Variants in PTPRD observed in about 807,000 individuals in gnomAD.
PTPRD encodes protein tyrosine phosphatase receptor type D, also known as receptor-type tyrosine-protein phosphatase delta.
Under a neutral mutation model 214.5 loss-of-function variants are expected in PTPRD, and 34 were observed. The ratio of observed to expected loss-of-function variants is 0.16; its 90% CI spans 0.12 to 0.21. The LOEUF is 0.21. Ranked by LOEUF, PTPRD falls within the 10% of genes least tolerant of loss-of-function variation. The probability of loss-of-function intolerance (pLI) is 1.00; values close to 1 mark genes in which losing one functional copy is unlikely to be tolerated. For synonymous variants in PTPRD, 1,128 were observed against 845.7 expected, an observed-to-expected ratio of 1.33 and a Z score of -5.79; for missense variants, 2,545 against 2,398.7, an observed-to-expected ratio of 1.06 and a Z score of -1.27.
chr9:8,363,214 C>T (rs1025571411), intron 39 of PTPRD, among the ~76,000 whole-genome samples: 1 of 152,186 alleles, frequency 6.6e-6, no homozygotes, highest in Non-Finnish European at 1.5e-5. Flanking sequence ...TTATCTTCTG[C>T]ATTCATTTAC....
intron 9 of PTPRD, among the ~76,000 whole-genome samples, chr9:9,211,080 AGTGTGT>A (rs142322627): frequency 1.0e-4 from 15 of 150,684 alleles, no homozygotes; most frequent in African/African-American, 3.7e-4. Context: ...CATGTGTGTG[AGTGTGT>A]GTGTGTGTGT....
At chr9:8,533,945 G>A (rs1239017865) in intron 14 of PTPRD, among the ~76,000 whole-genome samples, 1 of 151,832 alleles carries the variant, frequency 6.6e-6, no homozygotes, top group Non-Finnish European at 1.5e-5. Context: ...CTACACATTT[G>A]GCCTCCTTGA....
At chr9:8,473,418 G>C (rs2096698216) in intron 30 of PTPRD, among the ~76,000 whole-genome samples, 1 of 152,118 alleles carries the variant, frequency 6.6e-6, no homozygotes, top group Non-Finnish European at 1.5e-5. Flanking sequence ...CATGTTAAAT[G>C]AGCATGGAGG....
Position 8,376,079 on chromosome 9 carries a change from A to G in PTPRD, c.4518T>C (p.Ser1506=). The G allele has an allele frequency of 1.2e-6, 2 of 1,612,414 alleles. No homozygotes were observed. The highest frequency in any genetic ancestry group is 1.7e-6 in the Non-Finnish European group (2 of 1,179,042). The part of the protein sequence containing the change: ...RTFALYKNGS[S]EKREVRQFQF... Reference sequence around the variant, plus strand: ...GGAATTGTCTCACTTCTCTCTTCTCACTTGAACCATTCTGTGAAATAGGAA... The same window carrying G: ...GGAATTGTCTCACTTCTCTCTTCTCGCTTGAACCATTCTGTGAAATAGGAA... Residue 1506 remains serine, a synonymous_variant, in exon 39 of 46, where the codon AGT becomes AGC. Transcript: ENST00000381196.
At chr9:9,113,321 A>T (rs2099808755) in intron 10 of PTPRD, among the ~76,000 whole-genome samples, 1 of 151,942 alleles carries the variant, frequency 6.6e-6, no homozygotes, top group Non-Finnish European at 1.5e-5. Context: ...CCATCTTTCC[A>T]TCTGATGCTT....
intron 3 of PTPRD, among the ~76,000 whole-genome samples, chr9:10,078,952 G>C (rs772024196): frequency 2.0e-5 from 3 of 151,952 alleles, no homozygotes; most frequent in Non-Finnish European, 4.4e-5. Flanking sequence ...ACATTATCCA[G>C]CTTAAATCTA....
intron 3 of PTPRD, among the ~76,000 whole-genome samples, chr9:10,111,786 T>C (rs927670448): frequency 1.3e-5 from 2 of 152,230 alleles, no homozygotes; most frequent in African/African-American, 2.4e-5. Context: ...TAAATTTCAC[T>C]GCTACTTCTT....
chr9:9,028,475 A>C (rs2099594448), intron 10 of PTPRD, among the ~76,000 whole-genome samples: 1 of 151,964 alleles, frequency 6.6e-6, no homozygotes, highest in African/African-American at 2.4e-5. Context: ...CTTTACTAAA[A>C]CCCAGAAACC....
chr9:10,309,435 C>T (rs550471555), intron 3 of PTPRD, among the ~76,000 whole-genome samples: 47 of 152,108 alleles, frequency 3.1e-4, no homozygotes, highest in South Asian at 1.0e-3. Flanking sequence ...TCACTTCAAC[C>T]TCCCCTTCCC....
At chr9:9,969,271 G>C (rs899713748) in intron 4 of PTPRD, among the ~76,000 whole-genome samples, 2 of 152,176 alleles carry the variant, frequency 1.3e-5, no homozygotes, top group Non-Finnish European at 2.9e-5. Context: ...GGATAGTCTA[G>C]TGGGAGATGA....
At chr9:10,042,339 G>C (rs994021771) in intron 3 of PTPRD, among the ~76,000 whole-genome samples, 10 of 151,930 alleles carry the variant, frequency 6.6e-5, no homozygotes, top group Non-Finnish European at 1.5e-5. Flanking sequence ...AATCCTCAAA[G>C]TAGATTAATC....
At chr9:10,435,798 A>G (rs182225475) in intron 2 of PTPRD, among the ~76,000 whole-genome samples, 33 of 152,000 alleles carry the variant, frequency 2.2e-4, no homozygotes, top group African/African-American at 7.7e-4. Context: ...ACAAAGGAAG[A>G]AAAGGATGAG....
intron 14 of PTPRD, among the ~76,000 whole-genome samples, chr9:8,614,896 GCTTCCTATTTTCCCA>G (rs2095560796): frequency 6.6e-6 from 1 of 152,114 alleles, no homozygotes; most frequent in Non-Finnish European, 1.5e-5. Context: ...AAGGAAGAGG[GCTTCCTATTTTCCCA>G]CTTTCTGAAC....
chr9:8,694,732 T>G (rs2097873166), intron 12 of PTPRD, among the ~76,000 whole-genome samples: 10 of 152,230 alleles, frequency 6.6e-5, no homozygotes, highest in Admixed American at 6.5e-4. Flanking sequence ...AATAAATACC[T>G]ATTATTCATG....
At chr9:8,925,473 G>T (rs1455744064) in intron 11 of PTPRD, among the ~76,000 whole-genome samples, 1 of 151,714 alleles carries the variant, frequency 6.6e-6, no homozygotes, top group Non-Finnish European at 1.5e-5. Flanking sequence ...TGTTCTGACA[G>T]GAAAAAAATT....
At chr9:10,286,433 C>T (rs370345624) in intron 3 of PTPRD, among the ~76,000 whole-genome samples, 7 of 151,360 alleles carry the variant, frequency 4.6e-5, no homozygotes, top group African/African-American at 1.5e-4. Context: ...CAGAGTGAGA[C>T]CTCATTAGAA....
intron 2 of PTPRD, among the ~76,000 whole-genome samples, chr9:10,492,076 G>A (rs62537981): frequency 0.12 from 17,711 of 152,158 alleles, 1,381 homozygotes; most frequent in Non-Finnish European, 0.17. Context: ...GTATTCCATC[G>A]TGTACATGTG....
intron 5 of PTPRD, among the ~76,000 whole-genome samples, chr9:9,819,154 G>C (rs897604719): frequency 6.6e-6 from 1 of 152,084 alleles, no homozygotes; most frequent in Non-Finnish European, 1.5e-5. Flanking sequence ...GCAGAGATTG[G>C]TAAGGAACAC....
intron 5 of PTPRD, among the ~76,000 whole-genome samples, chr9:9,850,045 A>G (rs2060250392): frequency 1.3e-5 from 2 of 152,172 alleles, no homozygotes; most frequent in Admixed American, 6.6e-5. Flanking sequence ...ACTCACGAAC[A>G]GAGTAGTTAC....
Sources: allele counts gnomAD v4.1 joint callset (sites outside exome capture counted in the v4.1 genomes callset), GRCh38; gene constraint gnomAD v4.1.1; transcripts MANE v1.5; gene names NCBI Gene and HGNC (gene_info 2026-07-23, HGNC 2026-07-21).